Variants in HORMAD2 observed in about 807,000 individuals in gnomAD.
HORMAD2 encodes the protein HORMA domain-containing protein 2.
HORMAD2 carries 45 observed loss-of-function variants against 38.8 expected under a neutral mutation model. The observed-to-expected ratio is 1.16, with a 90% CI of 0.91 to 1.49. HORMAD2 has a LOEUF of 1.49. Ranked by LOEUF, HORMAD2 falls within the 40% of genes most tolerant of loss-of-function variation. The pLI is 0.00. For missense variants in HORMAD2, 338 were observed against 367.0 expected (o/e 0.92, Z 0.65); for synonymous variants, 126 against 122.8 (o/e 1.03, Z -0.17).
chr22:30,137,269 T>G (rs773831125), intron 10 of HORMAD2: 4 of 555,096 alleles, frequency 7.2e-6, no homozygotes, highest in Non-Finnish European at 1.4e-5. Flanking sequence ...TTCAAACACA[T>G]GACCCTTGAG....
chr22:30,086,926 C>T (rs534664666), intron 1 of HORMAD2, among the ~76,000 whole-genome samples: 1 of 152,286 alleles, frequency 6.6e-6, no homozygotes, highest in East Asian at 1.9e-4. Flanking sequence ...TCCCAAGTAG[C>T]TGGGATTACA....
At chr22:30,113,946 A>C (rs1180342237) in intron 7 of HORMAD2, among the ~76,000 whole-genome samples, 1 of 152,156 alleles carries the variant, frequency 6.6e-6, no homozygotes, top group Non-Finnish European at 1.5e-5. Flanking sequence ...CCACACTGTA[A>C]GTTTGAAGGG....
chr22:30,139,037 C>A (rs759657467), intron 10 of HORMAD2, among the ~76,000 whole-genome samples: 1 of 151,462 alleles, frequency 6.6e-6, no homozygotes, highest in African/African-American at 2.4e-5. Context: ...CCTCCCTGAG[C>A]GGGAGGGAAT....
chr22:30,204,716 G>T, the HORMAD2 span, among the ~76,000 whole-genome samples: 1 of 152,220 alleles, frequency 6.6e-6, no homozygotes, highest in Admixed American at 6.5e-5. Flanking sequence ...TGATGGGAAA[G>T]ACGTTGTTTT....
the HORMAD2 span, among the ~76,000 whole-genome samples, chr22:30,201,441 C>T: frequency 4.1e-5 from 5 of 122,694 alleles, no homozygotes; most frequent in Non-Finnish European, 8.1e-5. Flanking sequence ...TTTTCCAAGA[C>T]GGATTCTCGC....
chr22:30,187,104 A>C, the HORMAD2 span, among the ~76,000 whole-genome samples: 1 of 152,244 alleles, frequency 6.6e-6, no homozygotes, highest in Non-Finnish European at 1.5e-5. Flanking sequence ...GTAGAATGGC[A>C]AGTAGCATTC....
chr22:30,196,280 T>G, the HORMAD2 span, among the ~76,000 whole-genome samples: 1 of 152,202 alleles, frequency 6.6e-6, no homozygotes, highest in Non-Finnish European at 1.5e-5. Context: ...CAGTCATGAC[T>G]CAGGATTTTG....
intron 8 of HORMAD2, among the ~76,000 whole-genome samples, chr22:30,120,032 T>C (rs1922323362): frequency 1.3e-5 from 2 of 152,312 alleles, no homozygotes; most frequent in South Asian, 2.1e-4. Flanking sequence ...TTTTCTCACA[T>C]AAAAAGTTAC....
chr22:30,099,105 C>A, intron 3 of HORMAD2, 112 bp downstream of exon 3: 1 of 826,216 alleles, frequency 1.2e-6, no homozygotes, highest in Non-Finnish European at 1.8e-6. Flanking sequence ...AGGGCCTGTT[C>A]TTCAAGACCA....
downstream of HORMAD2, among the ~76,000 whole-genome samples, chr22:30,179,641 G>T (rs563589967): frequency 6.6e-6 from 1 of 152,150 alleles, no homozygotes; most frequent in Non-Finnish European, 1.5e-5. Context: ...TTTGCCGTCT[G>T]GGAGGAGCAA....
At chr22:30,207,229 T>C in the HORMAD2 span, 2 of 394,966 alleles carry the variant, frequency 5.1e-6, no homozygotes, top group South Asian at 3.8e-5. Context: ...GGACGACAGG[T>C]GCATGTGAAG....
At chr22:30,197,540 A>G in the HORMAD2 span, among the ~76,000 whole-genome samples, 1 of 152,168 alleles carries the variant, frequency 6.6e-6, no homozygotes, top group Non-Finnish European at 1.5e-5. Context: ...AAAAGGCACA[A>G]GTATAACCCT....
At chr22:30,083,100 C>CTCTA (rs1464783716) in intron 1 of HORMAD2, among the ~76,000 whole-genome samples, 1 of 152,162 alleles carries the variant, frequency 6.6e-6, no homozygotes, top group East Asian at 1.9e-4. Context: ...GAGACCTCAT[C>CTCTA]TCTACCAAAA....
intron 10 of HORMAD2, among the ~76,000 whole-genome samples, chr22:30,165,133 T>G (rs1208327219): frequency 6.6e-6 from 1 of 152,210 alleles, no homozygotes; most frequent in Non-Finnish European, 1.5e-5. Flanking sequence ...TCTAACTTCA[T>G]TCTTTTGCAT....
intron 4 of HORMAD2, 148 bp downstream of exon 4, chr22:30,103,648 GATTTT>G: frequency 2.7e-5 from 2 of 73,290 alleles, no homozygotes; most frequent in Non-Finnish European, 4.5e-5. Context: ...TTCTGTTTTT[GATTTT>G]TTTTTTTTTT....
At chr22:30,135,265 T>C (rs1336531184) in intron 10 of HORMAD2, among the ~76,000 whole-genome samples, 2 of 151,930 alleles carry the variant, frequency 1.3e-5, no homozygotes, top group African/African-American at 4.8e-5. Context: ...GCAAAATATA[T>C]GAAGCAACTG....
intron 7 of HORMAD2, among the ~76,000 whole-genome samples, chr22:30,117,798 G>A (rs1922155617): frequency 6.6e-6 from 1 of 152,196 alleles, no homozygotes; most frequent in Admixed American, 6.5e-5. Flanking sequence ...ATGGGCGTGA[G>A]CCACCATGCC....
Position 30,136,947 on chromosome 22 carries a change from G to T in HORMAD2, c.819+14733G>T, listed in dbSNP as rs1250406908. On this transcript the variant is annotated intron_variant, in intron 10 of 10. Coordinates refer to ENST00000336726, the MANE Select transcript of HORMAD2 (RefSeq NM_152510.4). ...CAAGTCATTTGTCTGCACCTCTTGG[G>T]TCATGATTTCCATCATCTTCTTCTG... 1.9e-5 allele frequency: 10 copies of T among 537,708 alleles called. No homozygotes were observed. The East Asian group carries it at 3.0e-4, about 16-fold the overall frequency. The allele number at this position is 537,708 out of a possible 1,614,324, so 33.3% of individuals were successfully genotyped here.
At chr22:30,078,398 G>A (rs193192657), upstream of HORMAD2, among the ~76,000 whole-genome samples, 360 of 151,970 alleles carry the variant, frequency 2.4e-3, 2 homozygotes, top group Non-Finnish European at 4.3e-3. Flanking sequence ...TTGAGGTCAG[G>A]AGTTCAAGAC....
Sources: allele counts gnomAD v4.1 joint callset (sites outside exome capture counted in the v4.1 genomes callset), GRCh38; gene constraint gnomAD v4.1.1; transcripts MANE v1.5; gene names NCBI Gene and HGNC (gene_info 2026-07-23, HGNC 2026-07-21).